The following CAMTA1 variants were observed in gnomAD, a reference collection of about 807,000 sequenced individuals.
CAMTA1 encodes the protein calmodulin binding transcription activator 1, also known as calmodulin-binding transcription activator 1.
In CAMTA1, 27 loss-of-function variants were observed where a neutral mutation model predicts 170.9. That is an observed-to-expected ratio of 0.16 (90% CI 0.12 to 0.22). CAMTA1 has a LOEUF of 0.22. Ranked by LOEUF, CAMTA1 falls within the 10% of genes least tolerant of loss-of-function variation. The pLI is 1.00. For synonymous variants in CAMTA1, 833 were observed against 891.5 expected (o/e 0.93, Z 1.17); for missense variants, 1,619 against 2,217.2 (o/e 0.73, Z 5.42).
intron 1 of CAMTA1, among the ~76,000 whole-genome samples, chr1:6,786,983 C>T (rs1426348382): frequency 1.3e-5 from 2 of 152,176 alleles, no homozygotes; most frequent in African/African-American, 2.4e-5. Context: ...GTCATGTGGC[C>T]TTGTTTTTTG....
intron 4 of CAMTA1, among the ~76,000 whole-genome samples, chr1:7,128,233 C>T (rs1645044543): frequency 1.3e-5 from 2 of 152,144 alleles, no homozygotes; most frequent in Admixed American, 1.3e-4. Context: ...ATGTGCCCTT[C>T]CCTTGGCTCA....
chr1:6,917,822 G>T (rs1336752350), intron 3 of CAMTA1, among the ~76,000 whole-genome samples: 2 of 137,352 alleles, frequency 1.5e-5, no homozygotes, highest in African/African-American at 2.6e-5. Flanking sequence ...AGCAAGGAGG[G>T]GAAGGGCAGA....
chr1:7,340,544 G>GCCTCCCTCCCCCCCCCCCCCCCCCCCCCC (rs772743867), intron 5 of CAMTA1, among the ~76,000 whole-genome samples: 3 of 105,424 alleles, frequency 2.8e-5, no homozygotes, highest in Admixed American at 1.0e-4. Flanking sequence ...CTGCCTGCCT[G>GCCTCCCTCCCCCCCCCCCCCCCCCCCCCC]CCTGCCTGCC....
chr1:7,655,102 CTATACACA>C (rs2095879465), intron 7 of CAMTA1, among the ~76,000 whole-genome samples: 1 of 39,008 alleles, frequency 2.6e-5, no homozygotes. Context: ...ACACACACAC[CTATACACA>C]CACCTATACA....
chr1:7,496,304 C>G (rs1328217254), intron 6 of CAMTA1, among the ~76,000 whole-genome samples: 1 of 152,152 alleles, frequency 6.6e-6, no homozygotes, highest in Non-Finnish European at 1.5e-5. Flanking sequence ...ATGTGGGGCA[C>G]GTGAGCTCGT....
At chr1:7,149,205 C>T (rs1379839841) in intron 4 of CAMTA1, among the ~76,000 whole-genome samples, 1 of 152,190 alleles carries the variant, frequency 6.6e-6, no homozygotes, top group East Asian at 1.9e-4. Flanking sequence ...ATTGGGAGTC[C>T]CAGATGTCTC....
chr1:6,995,290 C>CTTTTTTTT (rs1212463100), intron 3 of CAMTA1, among the ~76,000 whole-genome samples: 3 of 82,272 alleles, frequency 3.6e-5, no homozygotes, highest in African/African-American at 1.4e-4. Flanking sequence ...TCTTTTTTTT[C>CTTTTTTTT]TTTTCTTTTT....
Position 7,224,811 on chromosome 1 carries a change from G to A in CAMTA1, c.303-24680G>A, listed in dbSNP as rs1424398632. Among the ~76,000 whole-genome samples, 1 of 141,266 alleles carries A rather than the reference G, an allele frequency of 7.1e-6. No homozygotes were observed. Among genetic ancestry groups the A allele is most frequent in the African/African-American group, 3.2e-5 (1 of 30,932 alleles). The allele number at this position is 141,266 out of a possible 152,430, so 92.7% of individuals were successfully genotyped here. ...CCCTGCTCCGTAGCTGCTCCATGTC[G>A]TCTGGATGGTCCGTTGGCACCCTGC... is the stretch of plus-strand genomic sequence containing the variant. On this transcript the variant is annotated intron_variant, in intron 4 of 22. Coordinates refer to ENST00000303635, the MANE Select transcript of CAMTA1 (RefSeq NM_015215.4). This position sits in a 1 kb window ranked among gnomAD's most constrained non-coding sequence, Gnocchi z 5.2.
At chr1:7,365,387 AC>A (rs1366927849) in intron 5 of CAMTA1, among the ~76,000 whole-genome samples, 13 of 152,248 alleles carry the variant, frequency 8.5e-5, no homozygotes, top group African/African-American at 2.7e-4. Context: ...AAGTGCTATT[AC>A]TGGGCTATTA....
intron 4 of CAMTA1, among the ~76,000 whole-genome samples, chr1:7,198,620 C>T (rs1156396483): frequency 1.3e-5 from 2 of 152,118 alleles, no homozygotes; most frequent in Admixed American, 1.3e-4. Flanking sequence ...CCACGCTGCG[C>T]TGGCTTCTTT....
intron 6 of CAMTA1, among the ~76,000 whole-genome samples, chr1:7,504,584 G>A (rs1349361264): frequency 2.6e-5 from 4 of 152,264 alleles, no homozygotes; most frequent in Non-Finnish European, 5.9e-5. Flanking sequence ...GCTTGGTGTG[G>A]GGTTGACCCC....
At chr1:7,035,998 T>C (rs1368473793) in intron 3 of CAMTA1, among the ~76,000 whole-genome samples, 2 of 152,218 alleles carry the variant, frequency 1.3e-5, no homozygotes, top group African/African-American at 4.8e-5. Context: ...ACGGTACCAT[T>C]TATATAAGCT....
Position 7,138,994 on chromosome 1 carries a change from C to CA in CAMTA1, c.302+47630dup, listed in dbSNP as rs750880250. Among the ~76,000 whole-genome samples, 511 of 122,714 alleles carry CA rather than the reference C, an allele frequency of 4.2e-3. 4 individuals carry two copies. The highest frequency in any genetic ancestry group is 0.017 in the Middle Eastern group (3 of 180). 80.5% of individuals were successfully genotyped at this position (122,714 alleles called of 152,430 possible). On this transcript the variant is annotated intron_variant, in intron 4 of 22. Transcript: ENST00000303635. ...TGGGTGACAGAGCAAGACTCTGTCT[C>CA]AAAAAAATATATATATATATATATA...
chr1:7,631,271 T>C (rs1240559212), intron 6 of CAMTA1, among the ~76,000 whole-genome samples: 2 of 152,154 alleles, frequency 1.3e-5, no homozygotes, highest in Non-Finnish European at 2.9e-5. Context: ...GGCATAGACA[T>C]GAACTGGGCT....
intron 5 of CAMTA1, among the ~76,000 whole-genome samples, chr1:7,390,823 C>T (rs2088616654): frequency 6.6e-6 from 1 of 152,246 alleles, no homozygotes; most frequent in Non-Finnish European, 1.5e-5. Flanking sequence ...CCAGGTGTGC[C>T]AGGGTGACGT....
intron 3 of CAMTA1, among the ~76,000 whole-genome samples, chr1:7,036,408 AG>A (rs1188874086): frequency 6.6e-6 from 1 of 152,232 alleles, no homozygotes; most frequent in East Asian, 1.9e-4. Flanking sequence ...TTATTATCAT[AG>A]TGCTAACAGC....
intron 5 of CAMTA1, among the ~76,000 whole-genome samples, chr1:7,422,321 G>A (rs1217737569): frequency 6.6e-6 from 1 of 152,142 alleles, no homozygotes; most frequent in Admixed American, 6.5e-5. Context: ...TCCATCCAGG[G>A]CCTGGTGGAT....
chr1:7,266,812 A>T (rs1669010574), intron 5 of CAMTA1, among the ~76,000 whole-genome samples: 1 of 152,192 alleles, frequency 6.6e-6, no homozygotes, highest in African/African-American at 2.4e-5. Context: ...GGATGCCCTA[A>T]GGCTGGAAGG....
chr1:6,933,606 G>A (rs12405861), intron 3 of CAMTA1, among the ~76,000 whole-genome samples: 10,969 of 151,876 alleles, frequency 0.072, 787 homozygotes, highest in Admixed American at 0.25. Context: ...TAAAATTTAG[G>A]CCTATAGTCT....
Sources: allele counts gnomAD v4.1 joint callset (sites outside exome capture counted in the v4.1 genomes callset), GRCh38; gene constraint gnomAD v4.1.1; non-coding constraint Gnocchi (gnomAD v3.1); transcripts MANE v1.5; gene names NCBI Gene and HGNC (gene_info 2026-07-23, HGNC 2026-07-21).